PCDH9: variants seen among roughly 807,000 people sequenced by gnomAD.
PCDH9 encodes the protein protocadherin-9.
In PCDH9, 24 loss-of-function variants were observed where a neutral mutation model predicts 70.6. The ratio of observed to expected loss-of-function variants is 0.34; its 90% CI spans 0.25 to 0.48. The LOEUF is 0.48. Among genes scored for constraint, PCDH9 ranks in the 20% least tolerant of loss-of-function variants. The probability of loss-of-function intolerance (pLI) is 0.99; values close to 1 mark genes in which losing one functional copy is unlikely to be tolerated. For synonymous variants in PCDH9, 562 were observed against 558.5 expected (o/e 1.01, Z -0.09); for missense variants, 1,281 against 1,503.6 (o/e 0.85, Z 2.45).
chr13:66,498,099 C>A (rs890269121), intron 4 of PCDH9, among the ~76,000 whole-genome samples: 1 of 151,598 alleles, frequency 6.6e-6, no homozygotes, highest in Non-Finnish European at 1.5e-5. Context: ...GGATTACAGG[C>A]GTGAGCCACC....
At chr13:67,163,662 A>C (rs749801704) in intron 2 of PCDH9, among the ~76,000 whole-genome samples, 8 of 152,200 alleles carry the variant, frequency 5.3e-5, no homozygotes, top group Non-Finnish European at 1.2e-4. Flanking sequence ...TTAATCCCAG[A>C]ATTTGCTGCG....
chr13:66,342,796 GTATT>G (rs869028823), intron 4 of PCDH9, among the ~76,000 whole-genome samples: 1,639 of 18,000 alleles, frequency 0.091, 30 homozygotes, highest in African/African-American at 0.11. Flanking sequence ...TTTATTTATT[GTATT>G]TATTTATTTA....
chr13:66,521,312 C>T (rs1393415000), intron 4 of PCDH9, among the ~76,000 whole-genome samples: 1 of 151,936 alleles, frequency 6.6e-6, no homozygotes, highest in Non-Finnish European at 1.5e-5. Flanking sequence ...CACATTTTTT[C>T]AACATTTATT....
At chr13:66,906,114 C>T (rs2082356111) in intron 2 of PCDH9, among the ~76,000 whole-genome samples, 1 of 152,078 alleles carries the variant, frequency 6.6e-6, no homozygotes, top group Non-Finnish European at 1.5e-5. Flanking sequence ...AAATAACCAC[C>T]ATGATGAGTG....
chr13:66,427,575 C>T (rs765990872), intron 4 of PCDH9, among the ~76,000 whole-genome samples: 2 of 151,706 alleles, frequency 1.3e-5, no homozygotes, highest in Admixed American at 6.6e-5. Context: ...TGGCCAACTG[C>T]CCCATTTCTA....
chr13:66,775,078 C>A (rs1035493952), intron 3 of PCDH9, among the ~76,000 whole-genome samples: 6 of 152,106 alleles, frequency 3.9e-5, no homozygotes, highest in Non-Finnish European at 8.8e-5. Context: ...GTGCATTTTA[C>A]CTGAGCTGCT....
rs144482585 is a variant in PCDH9, at chr13:66,476,520, A to T, written c.3340+154690T>A. Among the ~76,000 whole-genome samples, 13 of 152,236 alleles carry T rather than the reference A, an allele frequency of 8.5e-5. No homozygotes were observed. In the East Asian group the frequency reaches 2.5e-3, roughly 29 times the overall value. On this transcript the variant is annotated intron_variant, in intron 4 of 4. Coordinates refer to ENST00000377865, the MANE Select transcript of PCDH9 (RefSeq NM_203487.3). ...GAAATTATCATCAGATTAACTAAAA[A>T]CATTAATATAAATTTAAGTAAATGA...
chr13:67,082,346 G>C (rs1031974904), intron 2 of PCDH9, among the ~76,000 whole-genome samples: 2 of 152,130 alleles, frequency 1.3e-5, no homozygotes, highest in African/African-American at 2.4e-5. Context: ...AGCAGTATCT[G>C]TCTGTCTTTG....
At chr13:67,145,852 CAA>C (rs2087510653) in intron 2 of PCDH9, among the ~76,000 whole-genome samples, 2 of 151,896 alleles carry the variant, frequency 1.3e-5, no homozygotes, top group African/African-American at 4.8e-5. Context: ...CTTCAAACTT[CAA>C]AAGAGATGAT....
Position 66,996,050 on chromosome 13 carries a change from T to C in PCDH9, c.3037-92445A>G, listed in dbSNP as rs1242655031. 3.3e-5 allele frequency among the ~76,000 whole-genome samples: 5 copies of C among 152,220 alleles called. No homozygotes were observed. In the East Asian group the frequency reaches 9.6e-4, roughly 29 times the overall value. On this transcript the variant is annotated intron_variant, in intron 2 of 4. Coordinates refer to ENST00000377865, the MANE Select transcript of PCDH9 (RefSeq NM_203487.3). ...CAAATATGTGAACAACACTGTCTAG[T>C]CTTGCAGAGCTTTGTATTTAATGGG...
intron 3 of PCDH9, among the ~76,000 whole-genome samples, chr13:66,776,315 A>G (rs2079891939): frequency 6.6e-6 from 1 of 150,678 alleles, no homozygotes; most frequent in South Asian, 2.1e-4. Flanking sequence ...AGGGTATTCA[A>G]TTAGGAAAAG....
At chr13:66,472,297 T>A (rs1958634967) in intron 4 of PCDH9, among the ~76,000 whole-genome samples, 1 of 151,444 alleles carries the variant, frequency 6.6e-6, no homozygotes, top group South Asian at 2.1e-4. Context: ...AGGTCAGGTG[T>A]GGTTGCTCGT....
At chr13:66,577,088 A>G (rs2076826021) in intron 4 of PCDH9, among the ~76,000 whole-genome samples, 1 of 152,048 alleles carries the variant, frequency 6.6e-6, no homozygotes, top group Non-Finnish European at 1.5e-5. Context: ...CTGGTATTAT[A>G]CAATTTAAAT....
intron 2 of PCDH9, among the ~76,000 whole-genome samples, chr13:67,030,534 C>A (rs775252025): frequency 6.6e-6 from 1 of 151,896 alleles, no homozygotes; most frequent in Non-Finnish European, 1.5e-5. Flanking sequence ...TGTTAGCCAT[C>A]ATTCCACTCT....
At chr13:66,731,899 A>C (rs2079084445) in intron 3 of PCDH9, among the ~76,000 whole-genome samples, 1 of 151,994 alleles carries the variant, frequency 6.6e-6, no homozygotes, top group African/African-American at 2.4e-5. Context: ...ACTCTGCTAT[A>C]TTTCTTAAAA....
chr13:66,866,471 G>A (rs923083685), intron 3 of PCDH9, among the ~76,000 whole-genome samples: 1 of 150,970 alleles, frequency 6.6e-6, no homozygotes, highest in Non-Finnish European at 1.5e-5. Context: ...GACAGAGCGA[G>A]ACTCAAAAAT....
At chr13:66,459,704 T>C (rs1958385476) in intron 4 of PCDH9, among the ~76,000 whole-genome samples, 1 of 151,996 alleles carries the variant, frequency 6.6e-6, no homozygotes, top group Non-Finnish European at 1.5e-5. Context: ...TTAATTAACA[T>C]GAAGACAAAA....
At chr13:66,848,520 ACT>A (rs2081251422) in intron 3 of PCDH9, among the ~76,000 whole-genome samples, 2 of 152,124 alleles carry the variant, frequency 1.3e-5, no homozygotes, top group Non-Finnish European at 2.9e-5. Flanking sequence ...AAATATCCAC[ACT>A]CTGTCACTAA....
chr13:66,316,974 C>T (rs908383949), intron 4 of PCDH9, among the ~76,000 whole-genome samples: 29 of 152,244 alleles, frequency 1.9e-4, no homozygotes, highest in African/African-American at 5.1e-4. Context: ...CCAACCTCCT[C>T]GGCCTCCCAA....
Sources: gnomAD v4.1 joint callset for allele counts (sites outside exome capture counted in the v4.1 genomes callset) on GRCh38, gnomAD v4.1.1 for gene constraint, MANE v1.5 for transcripts, NCBI Gene and HGNC (gene_info 2026-07-23, HGNC 2026-07-21) for gene names.